The following PCDH11Y variants were observed in gnomAD, a reference collection of about 807,000 sequenced individuals.
PCDH11Y encodes the protein protocadherin 11 Y-linked, also known as protocadherin-11 Y-linked.
For synonymous variants in PCDH11Y, 9 were observed against 83.6 expected, an observed-to-expected ratio of 0.11 and a Z score of 4.87; for missense variants, 12 against 224.8, an observed-to-expected ratio of 0.05 and a Z score of 6.05.
At chrY:5,108,926 T>C (rs2052800235), downstream of PCDH11Y, among the ~76,000 whole-genome samples, 1 of 31,784 alleles carries the variant, frequency 3.1e-5, no homozygotes, top group South Asian at 7.0e-4. Flanking sequence ...TTGAATTCCA[T>C]GTTGTAATTG....
At chrY:5,210,017 G>A (rs1404934263) in intron 2 of PCDH11Y, among the ~76,000 whole-genome samples, 1 of 34,127 alleles carries the variant, frequency 2.9e-5, no homozygotes, top group Non-Finnish European at 7.3e-5. Context: ...AGCTGCGATC[G>A]TGCCACTGCA....
intron 2 of PCDH11Y, among the ~76,000 whole-genome samples, chrY:5,346,658 G>A (rs2053152944): frequency 6.3e-5 from 2 of 31,829 alleles, no homozygotes; most frequent in African/African-American, 2.5e-4. Flanking sequence ...CACCATGCCC[G>A]GCTAATTTTT....
chrY:5,155,272 A>T, intron 2 of PCDH11Y, among the ~76,000 whole-genome samples: 2 of 32,021 alleles, frequency 6.2e-5, no homozygotes, highest in African/African-American at 2.4e-4. Flanking sequence ...AACATTCTCT[A>T]CTCAATAGAA....
chrY:5,402,857 T>C, intron 2 of PCDH11Y, among the ~76,000 whole-genome samples: 3 of 31,721 alleles, frequency 9.5e-5, no homozygotes, highest in Non-Finnish European at 1.5e-4. Context: ...TTAAAATATC[T>C]GTTTATTTTT....
At chrY:5,376,081 T>A in intron 2 of PCDH11Y, among the ~76,000 whole-genome samples, 5 of 32,399 alleles carry the variant, frequency 1.5e-4, no homozygotes, top group Non-Finnish European at 3.8e-4. Context: ...AGCTCTAAAT[T>A]TTTTTTATAT....
At chrY:5,243,694 C>G in intron 2 of PCDH11Y, among the ~76,000 whole-genome samples, 1 of 29,428 alleles carries the variant, frequency 3.4e-5, no homozygotes, top group Non-Finnish European at 7.6e-5. Context: ...AGGAAGGAAG[C>G]TGGAAACACT....
At chrY:5,620,756 G>T (rs2053498641) in intron 4 of PCDH11Y, among the ~76,000 whole-genome samples, 1 of 33,184 alleles carries the variant, frequency 3.0e-5, no homozygotes, top group African/African-American at 1.2e-4. Context: ...CAACATACAC[G>T]AGTCAATAAA....
At chrY:5,279,123 T>G (rs1602898531) in intron 2 of PCDH11Y, among the ~76,000 whole-genome samples, 81 of 32,587 alleles carry the variant, frequency 2.5e-3, no homozygotes, top group African/African-American at 8.9e-3. Flanking sequence ...AGTGTGTGCC[T>G]GGCACGGTGG....
chrY:5,312,537 T>C lies in PCDH11Y; in HGVS notation c.3130-188520T>C, dbSNP rs1602902949. Among the ~76,000 whole-genome samples, 6 of 27,317 alleles carry C rather than the reference T, an allele frequency of 2.2e-4. No homozygotes were observed. The East Asian group carries it at 5.2e-3, about 24-fold the overall frequency. 73.3% of individuals were successfully genotyped at this position (27,317 alleles called of 37,273 possible). On this transcript the variant is annotated intron_variant, in intron 2 of 4. Transcript: ENST00000400457. ...ATATAAGATATATATTTCTTATATA[T>C]ATAAGATATATATATAAGAAATATA...
intron 2 of PCDH11Y, among the ~76,000 whole-genome samples, chrY:5,466,018 TA>T (rs2053307898): frequency 3.0e-5 from 1 of 33,827 alleles, no homozygotes; most frequent in Non-Finnish European, 7.4e-5. Flanking sequence ...GTGAAGTGTT[TA>T]AATGGAAACC....
chrY:5,408,457 G>C, intron 2 of PCDH11Y, among the ~76,000 whole-genome samples: 1 of 32,746 alleles, frequency 3.1e-5, no homozygotes, highest in South Asian at 7.0e-4. Flanking sequence ...TATTTATTTT[G>C]AGATGGTGTT....
intron 2 of PCDH11Y, among the ~76,000 whole-genome samples, chrY:5,363,341 C>T (rs1602911808): frequency 3.1e-5 from 1 of 32,560 alleles, no homozygotes; most frequent in East Asian, 7.9e-4. Context: ...TATTGAGATC[C>T]AAATATTTAG....
At chrY:5,320,641 T>C in intron 2 of PCDH11Y, among the ~76,000 whole-genome samples, 1 of 33,688 alleles carries the variant, frequency 3.0e-5, no homozygotes. Flanking sequence ...CTTATGTTGT[T>C]ATCACAGTGG....
At chrY:5,265,903 C>A in intron 2 of PCDH11Y, among the ~76,000 whole-genome samples, 1 of 32,036 alleles carries the variant, frequency 3.1e-5, no homozygotes, top group Non-Finnish European at 7.6e-5. Flanking sequence ...ATACAATCAC[C>A]AAATCTATAC....
chrY:5,061,857 C>G (rs2124629080), intron 1 of PCDH11Y, among the ~76,000 whole-genome samples: 1 of 33,537 alleles, frequency 3.0e-5, no homozygotes, highest in Non-Finnish European at 7.4e-5. Context: ...CCATGAATCT[C>G]AAAAGATCAT....
intron 2 of PCDH11Y, among the ~76,000 whole-genome samples, chrY:5,112,738 A>G (rs1602869534): frequency 2.9e-5 from 1 of 34,074 alleles, no homozygotes; most frequent in Non-Finnish European, 7.4e-5. Flanking sequence ...GATACATCCA[A>G]TTTTCAGATT....
chrY:5,287,014 A>G (rs2053061084), intron 2 of PCDH11Y, among the ~76,000 whole-genome samples: 1 of 33,388 alleles, frequency 3.0e-5, no homozygotes, highest in East Asian at 7.8e-4. Flanking sequence ...TGCTCATTCA[A>G]TATGATGTTG....
intron 2 of PCDH11Y, among the ~76,000 whole-genome samples, chrY:5,124,657 GT>G (rs2052823097): frequency 3.2e-5 from 1 of 31,612 alleles, no homozygotes; most frequent in African/African-American, 1.3e-4. Flanking sequence ...TACTCTCTCT[GT>G]TGTTTTATAT....
At chrY:5,237,747 C>CA (rs2052977634) in intron 2 of PCDH11Y, among the ~76,000 whole-genome samples, 1 of 32,701 alleles carries the variant, frequency 3.1e-5, no homozygotes, top group Non-Finnish European at 7.5e-5. Context: ...AATCAATGTG[C>CA]AAAAATCACA....
Sources: allele counts gnomAD v4.1 joint callset (sites outside exome capture counted in the v4.1 genomes callset), GRCh38; gene constraint gnomAD v4.1.1; transcripts MANE v1.5; gene names NCBI Gene and HGNC (gene_info 2026-07-23, HGNC 2026-07-21).